The following TCOF1 variants were observed in gnomAD, a reference collection of about 807,000 sequenced individuals.
TCOF1 encodes treacle protein.
A neutral mutation model predicts 149.0 loss-of-function variants in TCOF1; 33 were observed. That is an observed-to-expected ratio of 0.22 (90% CI 0.17 to 0.30). The LOEUF is 0.30. TCOF1 is among the 10% of genes least tolerant of loss of function. The probability of loss-of-function intolerance (pLI) is 1.00; values close to 1 mark genes in which losing one functional copy is unlikely to be tolerated. For missense variants in TCOF1, 1,728 were observed against 1,840.7 expected, an observed-to-expected ratio of 0.94 and a Z score of 1.12; for synonymous variants, 789 against 738.8, an observed-to-expected ratio of 1.07 and a Z score of -1.10.
At chr5:150,391,928 T>C in intron 20 of TCOF1, 29 bp from the exon 21 acceptor site, 1 of 1,612,196 alleles carries the variant, frequency 6.2e-7, no homozygotes. Flanking sequence ...TAATTTTTCC[T>C]TCCATTCCTT....
At chr5:150,383,880 C>T (rs1765745829) in intron 17 of TCOF1, 1 of 1,543,264 alleles carries the variant, frequency 6.5e-7, no homozygotes, top group African/African-American at 1.4e-5. Context: ...GGACCAGGCC[C>T]ACCTTATCTT....
chr5:150,366,795 C>T lies in TCOF1; in HGVS notation c.305-1049C>T, dbSNP rs1434617729. Among the ~76,000 whole-genome samples, 2 of 62,762 alleles carry T rather than the reference C, an allele frequency of 3.2e-5. 1 individual carries two copies. Among genetic ancestry groups the T allele is most frequent in the Non-Finnish European group, 6.0e-5 (2 of 33,296 alleles). The allele number at this position is 62,762 out of a possible 152,430, so 41.2% of individuals were successfully genotyped here. A position where few individuals can be genotyped will look rare whatever the true frequency, so the allele number is the denominator to read the frequency against. ...TCAGCCTCCCGAGTAGCTGGGACTA[C>T]AGGCGCCCGCCACCGCGCCCGGCTA... On this transcript the variant is annotated intron_variant, in intron 3 of 26. Coordinates refer to ENST00000643257, the MANE Select transcript of TCOF1 (RefSeq NM_001371623.1).
intron 17 of TCOF1, among the ~76,000 whole-genome samples, chr5:150,386,774 T>C (rs1766390535): frequency 6.6e-6 from 1 of 152,158 alleles, no homozygotes; most frequent in Non-Finnish European, 1.5e-5. Flanking sequence ...CTCACAACCA[T>C]GTGTGTTCTC....
chr5:150,372,130 G>C lies in TCOF1; in HGVS notation c.764G>C (p.Gly255Ala), dbSNP rs1762677044. The change falls in exon 7 of 27, where the codon GGG becomes GCG. Residue 255 changes from glycine to alanine, a missense_variant. Physicochemically the swap from Gly to Ala is moderately conservative, Grantham distance 60. Coordinates refer to ENST00000643257, the MANE Select transcript of TCOF1 (RefSeq NM_001371623.1). The part of the protein sequence containing the change: ...VGDVTPQVKG[G>A]ALPPAKRAKK... The stretch of plus-strand genomic sequence containing the variant: ...GATGTGACACCCCAGGTCAAAGGAG[G>C]GGCCCTGCCCCCAGCCAAGAGGGCC... The C allele has an allele frequency of 1.2e-6, 2 of 1,614,096 alleles. No individual in the cohort carries two copies. The highest frequency in any genetic ancestry group is 2.2e-5 in the South Asian group (2 of 91,086).
rs1349424151 is a variant in TCOF1, at chr5:150,368,917, C to T, written c.565+15C>T. The T allele has an allele frequency of 1.2e-6, 2 of 1,613,030 alleles. No homozygotes were observed. Among genetic ancestry groups the T allele is most frequent in the African/African-American group, 2.7e-5 (2 of 74,926 alleles). On this transcript the variant is annotated intron_variant, in intron 5 of 26. Coordinates refer to ENST00000643257, the MANE Select transcript of TCOF1 (RefSeq NM_001371623.1). ...TGCCAAGCCTGGTAAGAAGTCCCCA[C>T]CTCTAGGAACCTAGTCCCCAGAACT... is the stretch of plus-strand genomic sequence containing the variant.
chr5:150,374,130 G>A, intron 7 of TCOF1, 44 bp from the exon 8 acceptor site: 1 of 1,583,594 alleles, frequency 6.3e-7, no homozygotes, highest in Non-Finnish European at 8.6e-7. Flanking sequence ...TCACCAGAGA[G>A]TTTTCACAAG....
chr5:150,391,243 G>A (rs1307686300), intron 19 of TCOF1, among the ~76,000 whole-genome samples: 1 of 152,198 alleles, frequency 6.6e-6, no homozygotes, highest in African/African-American at 2.4e-5. Context: ...CTCCCTGACT[G>A]CTAGTGGTTA....
At chr5:150,370,843 A>C (rs1762379979) in intron 6 of TCOF1, among the ~76,000 whole-genome samples, 1 of 152,192 alleles carries the variant, frequency 6.6e-6, no homozygotes, top group Non-Finnish European at 1.5e-5. Context: ...ATTATGGGGA[A>C]AGTGACACAA....
chr5:150,374,995 G>C lies in TCOF1; in HGVS notation c.1320G>C (p.Ser440=). 1 of 1,597,870 alleles carries C rather than the reference G, an allele frequency of 6.3e-7. No individual in the cohort carries two copies. The highest frequency in any genetic ancestry group is 8.5e-7 in the Non-Finnish European group (1 of 1,173,752). The change falls in exon 10 of 27, where the codon TCG becomes TCC. Residue 440 remains serine (S), a synonymous_variant. Coordinates refer to ENST00000643257, the MANE Select transcript of TCOF1 (RefSeq NM_001371623.1). ...SGKAPQVRAA[S]APAKESPRKG... The stretch of plus-strand genomic sequence containing the variant: ...AGGCCCCCCAGGTCAGAGCCGCCTC[G>C]GCCCCTGCCAAGGAGTCCCCCAGGA...
chr5:150,372,364 A>C (rs1762737629), intron 7 of TCOF1, 128 bp downstream of exon 7: 1 of 799,604 alleles, frequency 1.3e-6, no homozygotes, highest in Non-Finnish European at 2.0e-6. Context: ...GTTGAAGAGC[A>C]AGAACAGCCT....
intron 7 of TCOF1, 142 bp from the exon 8 acceptor site, chr5:150,374,032 A>G: frequency 3.2e-6 from 3 of 938,044 alleles, no homozygotes; most frequent in Non-Finnish European, 5.0e-6. Context: ...CAGTGTGGCC[A>G]AAGTATCAGT....
chr5:150,369,520 G>C lies in TCOF1; in HGVS notation c.566-9G>C. The C allele has an allele frequency of 6.2e-7, 1 of 1,614,084 alleles. No individual in the cohort carries two copies. Among genetic ancestry groups the C allele is most frequent in the Non-Finnish European group, 8.5e-7 (1 of 1,180,018 alleles). ...GAGTCCCTCAGTCCCCTCCGTGTCC[G>C]ATCCTCAGGGATGGTGTCAGCGGGC... On this transcript the variant is annotated splice_polypyrimidine_tract_variant and intron_variant, in intron 5 of 26. Coordinates refer to ENST00000643257, the MANE Select transcript of TCOF1 (RefSeq NM_001371623.1).
chr5:150,359,940 A>T (rs1759652331), intron 1 of TCOF1, among the ~76,000 whole-genome samples: 1 of 152,198 alleles, frequency 6.6e-6, no homozygotes, highest in Non-Finnish European at 1.5e-5. Context: ...CCTGAAGGAA[A>T]TGAGGGAGTG....
chr5:150,373,490 G>T (rs1281495533), intron 7 of TCOF1, among the ~76,000 whole-genome samples: 1 of 152,218 alleles, frequency 6.6e-6, no homozygotes, highest in Non-Finnish European at 1.5e-5. Context: ...TTCTAGGGTT[G>T]TTGGCCCAGG....
chr5:150,357,905 A>C (rs1758994086), intron 1 of TCOF1, 51 bp downstream of exon 1: 1 of 1,517,820 alleles, frequency 6.6e-7, no homozygotes, highest in Non-Finnish European at 8.8e-7. Flanking sequence ...TGTGGAGATC[A>C]GCGGCCCGCG....
rs138128364 is a variant in TCOF1, at chr5:150,376,322, G to A, written c.2134G>A (p.Val712Met). Residue 712 changes from valine to methionine, a missense_variant, in exon 13 of 27, where the codon GTG becomes ATG. Val to Met is a conservative substitution (Grantham distance 21, BLOSUM62 1). Transcript: ENST00000643257. ...EEEKTGLAVT[V>M]GQAKSVGKGL... The stretch of plus-strand genomic sequence containing the variant: ...AGAGAAGACAGGTCTTGCAGTAACC[G>A]TGGGACAGGTGAGGCCTGTGTTTTC... 16 of 1,614,170 alleles carry A rather than the reference G, an allele frequency of 9.9e-6. No homozygotes were observed. In the African/African-American group the frequency reaches 1.1e-4, roughly 11 times the overall value.
At chr5:150,383,770 G>T in intron 17 of TCOF1, 1 of 1,551,836 alleles carries the variant, frequency 6.4e-7, no homozygotes. Flanking sequence ...CATGAGCTCT[G>T]CCCAGGACCC....
intron 14 of TCOF1, among the ~76,000 whole-genome samples, chr5:150,377,531 T>C (rs894162931): frequency 3.3e-5 from 5 of 152,270 alleles, no homozygotes; most frequent in African/African-American, 1.2e-4. Context: ...GCTCTGTTTT[T>C]TTCTGTAACC....
At position 150,368,872 on chromosome 5, in the gene TCOF1, G is replaced by A. The variant is rs373269393; in HGVS notation, c.535G>A (p.Val179Ile). The A allele has an allele frequency of 2.1e-5, 34 of 1,613,720 alleles. No individual in the cohort carries two copies. The highest frequency in any genetic ancestry group is 9.3e-5 in the African/African-American group (7 of 74,926). The change falls in exon 5 of 27, where the codon GTC becomes ATC. Residue 179 changes from valine (V) to isoleucine (I), a missense_variant. Val to Ile is a conservative substitution (Grantham distance 29, BLOSUM62 3). Coordinates refer to ENST00000643257, the MANE Select transcript of TCOF1 (RefSeq NM_001371623.1). ...CTCAGAAACTGAGGAGGAGGGCAGC[G>A]TCCCGGCCTTTGGAGCTGCTGCCAA... ...LVSETEEEGSVPAFGAAAKPG... is the reference protein window; with the variant it reads ...LVSETEEEGSIPAFGAAAKPG...
Sources: gnomAD v4.1 joint callset for allele counts (sites outside exome capture counted in the v4.1 genomes callset) on GRCh38, gnomAD v4.1.1 for gene constraint, MANE v1.5 for transcripts, NCBI Gene and HGNC (gene_info 2026-07-23, HGNC 2026-07-21) for gene names.